THBS2: variants seen among roughly 807,000 people sequenced by gnomAD.
The protein encoded by THBS2 is thrombospondin 2.
Under a neutral mutation model 135.2 loss-of-function variants are expected in THBS2, and 47 were observed. The observed-to-expected ratio is 0.35, with a 90% CI of 0.28 to 0.44. The LOEUF (loss-of-function observed/expected upper bound fraction) is 0.44. Among genes scored for constraint, THBS2 ranks in the 20% least tolerant of loss-of-function variants. The pLI is 1.00. For missense variants in THBS2, 1,288 were observed against 1,603.1 expected, an observed-to-expected ratio of 0.80 and a Z score of 3.36; for synonymous variants, 639 against 633.8, an observed-to-expected ratio of 1.01 and a Z score of -0.12.
At chr6:169,224,077 G>A (rs6936256) in intron 17 of THBS2, among the ~76,000 whole-genome samples, 108,774 of 152,044 alleles carry the variant, frequency 0.72, 39,592 homozygotes, top group African/African-American at 0.85. Context: ...AGTCTACGGC[G>A]ATGACGATAA....
chr6:169,232,633 G>A lies in THBS2; in HGVS notation c.1932+31C>T, dbSNP rs191564153. 6.8e-5 allele frequency: 106 copies of A among 1,564,848 alleles called. No homozygotes were observed. In the Middle Eastern group the frequency reaches 2.1e-3, roughly 31 times the overall value. The stretch of plus-strand genomic sequence containing the variant: ...TCATCTGATTTTTCCAAAGCCGCTC[G>A]CAACACACAAGGAAGGCCGGCCTTG... On this transcript the variant is annotated intron_variant, in intron 12 of 21. Coordinates refer to ENST00000617924, the MANE Select transcript of THBS2 (RefSeq NM_003247.5).
chr6:169,234,547 C>CT (rs1211960109), intron 10 of THBS2, 187 bp downstream of exon 10: 1 of 643,664 alleles, frequency 1.6e-6, no homozygotes, highest in Non-Finnish European at 2.5e-6. Context: ...CACCTGGCAT[C>CT]TTTTTTGTTT....
intron 10 of THBS2, among the ~76,000 whole-genome samples, chr6:169,233,726 C>T (rs747832075): frequency 6.7e-6 from 1 of 149,970 alleles, no homozygotes; most frequent in African/African-American, 2.5e-5. Context: ...ACACAACTAC[C>T]CACACGCCAC....
chr6:169,239,781 G>T, intron 6 of THBS2, 86 bp from the exon 7 acceptor site: 1 of 973,676 alleles, frequency 1.0e-6, no homozygotes, highest in African/African-American at 1.6e-5. Context: ...GGGGTCGACA[G>T]AATGGCTGAA....
At chr6:169,250,590 G>C (rs1264191434) in intron 2 of THBS2, 143 bp downstream of exon 2, 1 of 620,874 alleles carries the variant, frequency 1.6e-6, no homozygotes, top group Non-Finnish European at 2.7e-6. Flanking sequence ...TCAGAAGTAA[G>C]TTACTATTTG....
chr6:169,221,622 CAAG>C, intron 19 of THBS2, 95 bp from the exon 20 acceptor site: 1 of 1,035,294 alleles, frequency 9.7e-7, no homozygotes, highest in Non-Finnish European at 1.5e-6. Flanking sequence ...CATGACTTTG[CAAG>C]TTCATGCTTA....
At position 169,217,647 on chromosome 6, in the gene THBS2, A is replaced by G. The variant is rs1295801431; in HGVS notation, c.*175T>C. On this transcript the variant is annotated 3_prime_UTR_variant, in exon 22 of 22. Coordinates refer to ENST00000617924, the MANE Select transcript of THBS2 (RefSeq NM_003247.5). ...TCATCTCTGAGTTCCATTGATATTT[A>G]TCCTCTGAAGGCACTTGGGTTTGGG... The G allele has an allele frequency of 1.7e-6, 1 of 595,554 alleles. No individual in the cohort carries two copies. The highest frequency in any genetic ancestry group is 3.0e-5 in the East Asian group (1 of 33,454). The allele number at this position is 595,554 out of a possible 1,614,324, so 36.9% of individuals were successfully genotyped here.
At position 169,223,530 on chromosome 6, in the gene THBS2, G is replaced by A. The variant is rs1779508595; in HGVS notation, c.2774-55C>T. ...ACAAAAACAAAGAAGCAAAGTCGGT[G>A]GTCGGTGGTTTGCCATTTGCTTTTC... is the stretch of plus-strand genomic sequence containing the variant. On this transcript the variant is annotated intron_variant, in intron 17 of 21. Transcript: ENST00000617924. 5 of 1,528,874 alleles carry A rather than the reference G, an allele frequency of 3.3e-6. No homozygotes were observed. In the Admixed American group the frequency reaches 8.5e-5, roughly 26 times the overall value. 94.7% of individuals were successfully genotyped at this position (1,528,874 alleles called of 1,614,324 possible).
chr6:169,244,203 C>A, intron 4 of THBS2, among the ~76,000 whole-genome samples: 1 of 140,282 alleles, frequency 7.1e-6, no homozygotes, highest in African/African-American at 2.6e-5. Context: ...AAGAGTTTCC[C>A]ATAAGTTTTA....
intron 21 of THBS2, among the ~76,000 whole-genome samples, chr6:169,219,352 ATGGT>A (rs1219182522): frequency 4.1e-5 from 6 of 146,214 alleles, no homozygotes; most frequent in African/African-American, 1.0e-4. Flanking sequence ...GGATGGATGG[ATGGT>A]TGGGTGAATG....
chr6:169,222,486 A>C lies in THBS2; in HGVS notation c.3002-18T>G, dbSNP rs755006265. ...GTCAAAACCTGGATGCAACGCCATAAGGTTTCGTTAGAAACACCTTTCAGG... is the reference window on the plus strand; with the variant it reads ...GTCAAAACCTGGATGCAACGCCATACGGTTTCGTTAGAAACACCTTTCAGG... On this transcript the variant is annotated intron_variant, in intron 18 of 21. Coordinates refer to ENST00000617924, the MANE Select transcript of THBS2 (RefSeq NM_003247.5). 2 of 1,604,968 alleles carry C rather than the reference A, an allele frequency of 1.2e-6. No homozygotes were observed. The highest frequency in any genetic ancestry group is 2.2e-5 in the South Asian group (2 of 90,162).
chr6:169,240,236 C>G (rs994124286), intron 6 of THBS2, among the ~76,000 whole-genome samples: 6 of 152,206 alleles, frequency 3.9e-5, no homozygotes, highest in Admixed American at 6.5e-5. Context: ...GTTGCTCCCC[C>G]TCTCTGGGCT....
At chr6:169,219,309 GGATGGATGAGA>G in intron 21 of THBS2, among the ~76,000 whole-genome samples, 1 of 142,278 alleles carries the variant, frequency 7.0e-6, no homozygotes, top group Non-Finnish European at 1.5e-5. Context: ...ATGGGTGGTT[GGATGGATGAGA>G]TGGGTGGGTG....
intron 4 of THBS2, 98 bp downstream of exon 4, chr6:169,246,099 G>T: frequency 1.1e-6 from 1 of 951,620 alleles, no homozygotes; most frequent in Non-Finnish European, 1.6e-6. Flanking sequence ...ATTTTTACAA[G>T]CATGAATGCA....
At position 169,228,151 on chromosome 6, in the gene THBS2, T is replaced by C. The variant is rs1779708273; in HGVS notation, c.2390A>G (p.Asp797Gly). 6.2e-7 allele frequency: 1 copy of C among 1,613,406 alleles called. No individual in the cohort carries two copies. The highest frequency in any genetic ancestry group is 8.5e-7 in the Non-Finnish European group (1 of 1,179,968). Residue 797 changes from aspartate (D) to glycine (G), a missense_variant, in exon 15 of 22, where the codon GAC becomes GGC. Physicochemically the swap from Asp to Gly is moderately conservative, Grantham distance 94. Around this residue, in one of 2 missense-constraint regions of THBS2, gnomAD observed 874 missense variants for 1,156.1 expected, o/e 0.76. Coordinates refer to ENST00000617924, the MANE Select transcript of THBS2 (RefSeq NM_003247.5). The stretch of plus-strand genomic sequence containing the variant: ...CCCATCAATGTCCACGGAGCAGGCG[T>C]CACCCTCTCCATTGTTGTCTGTGTC... Reference protein sequence around the residue: ...QIDTDNNGEGDACSVDIDGDD... With the variant: ...QIDTDNNGEGGACSVDIDGDD...
intron 13 of THBS2, among the ~76,000 whole-genome samples, chr6:169,230,624 C>G (rs527363151): frequency 6.6e-6 from 1 of 152,306 alleles, no homozygotes; most frequent in South Asian, 2.1e-4. Context: ...TGTATATATA[C>G]ATATAACTTT....
intron 21 of THBS2, 51 bp from the exon 22 acceptor site, chr6:169,217,880 G>C: frequency 6.4e-7 from 1 of 1,559,352 alleles, no homozygotes; most frequent in Non-Finnish European, 8.7e-7. Flanking sequence ...CTGGGCCATG[G>C]GTAGTGATTT....
intron 21 of THBS2, 46 bp downstream of exon 21, chr6:169,220,152 T>C (rs9393165): frequency 0.67 from 1,068,241 of 1,592,622 alleles, 361,261 homozygotes; most frequent in African/African-American, 0.86. Context: ...TTTCCCTTTC[T>C]GGGTGCCACA....
Position 169,223,275 on chromosome 6 carries a change from C to T in THBS2, c.2974G>A (p.Ala992Thr). 2 of 1,613,858 alleles carry T rather than the reference C, an allele frequency of 1.2e-6. No homozygotes were observed. The highest frequency in any genetic ancestry group is 1.7e-6 in the Non-Finnish European group (2 of 1,179,784). Residue 992 changes from alanine (A) to threonine (T), a missense_variant, in exon 18 of 22, where the codon GCC (alanine) becomes ACC (threonine). This residue lies in a region of THBS2 where 874 missense variants were observed against 1,156.1 expected (regional missense o/e 0.76). Coordinates refer to ENST00000617924, the MANE Select transcript of THBS2 (RefSeq NM_003247.5). Reference sequence around the variant, plus strand: ...ACAGCGATGCCGGGGTCCGAGTTGGCTGTCTGAACCAGCTCCTTGCCTTGA... The same window carrying T: ...ACAGCGATGCCGGGGTCCGAGTTGGTTGTCTGAACCAGCTCCTTGCCTTGA... ...RHQGKELVQT[A>T]NSDPGIAVGF...
Sources: gnomAD v4.1 joint callset for allele counts (sites outside exome capture counted in the v4.1 genomes callset) on GRCh38, gnomAD v4.1.1 for gene constraint, gnomAD v4.1.1 regional missense constraint, MANE v1.5 for transcripts, NCBI Gene and HGNC (gene_info 2026-07-23, HGNC 2026-07-21) for gene names.